ODF2: variants seen among roughly 807,000 people sequenced by gnomAD.
The protein encoded by ODF2 is outer dense fiber of sperm tails 2, also known as outer dense fiber protein 2.
ODF2 carries 47 observed loss-of-function variants against 110.2 expected under a neutral mutation model. The ratio of observed to expected loss-of-function variants is 0.43; its 90% CI spans 0.34 to 0.54. The LOEUF is 0.54. Ranked by LOEUF, ODF2 falls within the 20% of genes least tolerant of loss-of-function variation. The probability of loss-of-function intolerance (pLI) is 0.03; values close to 1 mark genes in which losing one functional copy is unlikely to be tolerated. For synonymous variants in ODF2, 352 were observed against 397.7 expected, an observed-to-expected ratio of 0.89 and a Z score of 1.37; for missense variants, 812 against 1,054.5, an observed-to-expected ratio of 0.77 and a Z score of 3.19.
intron 2 of ODF2, 141 bp from the exon 2 acceptor site, chr9:128,459,426 A>G: frequency 1.5e-6 from 1 of 650,156 alleles, no homozygotes; most frequent in Non-Finnish European, 2.8e-6. Flanking sequence ...TGCTCATCTC[A>G]GGGGAGTCAA....
At chr9:128,457,006 G>A (rs1324099628) in intron 1 of ODF2, 4 of 1,253,326 alleles carry the variant, frequency 3.2e-6, no homozygotes, top group Non-Finnish European at 4.1e-6. Flanking sequence ...CCCACTTGGG[G>A]CCGAGCGGTT....
chr9:128,476,825 G>A (rs1841375832), intron 8 of ODF2, among the ~76,000 whole-genome samples: 2 of 151,448 alleles, frequency 1.3e-5, no homozygotes, highest in South Asian at 4.2e-4. Flanking sequence ...TTTTAGTAGA[G>A]ATGAGGTTTC....
At chr9:128,457,350 C>T in exon 2 of ODF2, 5 of 1,612,124 alleles carry the variant, frequency 3.1e-6, no homozygotes, top group South Asian at 1.1e-5. Context: ...CTCTGGGTCC[C>T]CCTGAGCAGA....
chr9:128,487,996 G>T (rs750510737), exon 14 of ODF2: 20 of 1,613,928 alleles, frequency 1.2e-5, no homozygotes, highest in East Asian at 2.2e-5. Flanking sequence ...TGAGTATTCC[G>T]CATTCAAGCT....
intron 18 of ODF2, 161 bp downstream of exon 18, chr9:128,496,302 G>A (rs772777982): frequency 4.6e-5 from 68 of 1,493,370 alleles, no homozygotes; most frequent in Non-Finnish European, 3.9e-5. Context: ...TCAGTGGTAA[G>A]CATTGTGGGA....
rs1198255178 is a variant in ODF2, at chr9:128,487,800, AC to A, written c.1401-89del. On this transcript the variant is annotated intron_variant, in intron 13 of 20. Coordinates refer to ENST00000604420, the Ensembl canonical transcript of ODF2. ...AGACTCCGTCTAAAAAAACAAACAA[AC>A]AAAACACACACACACACACACACAC... The A allele has an allele frequency of 2.9e-3, 3,456 of 1,210,066 alleles. 58 individuals are homozygous for A. The East Asian group carries it at 0.043, about 15-fold the overall frequency. 75.0% of individuals were successfully genotyped at this position (1,210,066 alleles called of 1,614,324 possible). A position where few individuals can be genotyped will look rare whatever the true frequency, so the allele number is the denominator to read the frequency against.
intron 4 of ODF2, 56 bp from the exon 5 acceptor site, chr9:128,469,127 C>A: frequency 6.4e-7 from 1 of 1,556,350 alleles, no homozygotes; most frequent in East Asian, 2.3e-5. Flanking sequence ...AGTGGTGGAA[C>A]TCGTGGTCAA....
chr9:128,462,390 C>G (rs1836713378), intron 4 of ODF2, among the ~76,000 whole-genome samples: 1 of 152,130 alleles, frequency 6.6e-6, no homozygotes, highest in Non-Finnish European at 1.5e-5. Context: ...CTCAGGTGAT[C>G]AGCCCACCTC....
At chr9:128,497,446 A>AAAATAT (rs1554857542) in intron 18 of ODF2, 24 of 42,586 alleles carry the variant, frequency 5.6e-4, no homozygotes, top group Non-Finnish European at 6.8e-4. Context: ...AAAAAAAAAA[A>AAAATAT]ATATATATAT....
At chr9:128,496,714 T>TTATC (rs56716979) in intron 18 of ODF2, among the ~76,000 whole-genome samples, 13,175 of 149,418 alleles carry the variant, frequency 0.088, 1,064 homozygotes, top group East Asian at 0.31. Flanking sequence ...AAGGTAGAGT[T>TTATC]TATCTATCTA....
exon 12 of ODF2, chr9:128,484,809 G>T: frequency 6.2e-7 from 1 of 1,613,796 alleles, no homozygotes; most frequent in Non-Finnish European, 8.5e-7. Context: ...CTTGAAGAAG[G>T]CCATCCGAGC....
chr9:128,455,902 G>C (rs534714018), upstream of ODF2: 2 of 1,318,800 alleles, frequency 1.5e-6, no homozygotes, highest in Non-Finnish European at 2.0e-6. Flanking sequence ...ACAGGGCCGA[G>C]CGGGAAAGGC....
chr9:128,496,815 C>T (rs1244714765), intron 18 of ODF2, among the ~76,000 whole-genome samples: 1 of 152,184 alleles, frequency 6.6e-6, no homozygotes, highest in Non-Finnish European at 1.5e-5. Context: ...GCAACCTCGA[C>T]CTCCTGGGCT....
intron 2 of ODF2, among the ~76,000 whole-genome samples, chr9:128,458,461 CAAAAA>C (rs55782363): frequency 1.4e-5 from 1 of 72,878 alleles, no homozygotes. Flanking sequence ...GACTCTATCT[CAAAAA>C]AAAAAAAAAA....
At chr9:128,456,068 T>C (rs1834689219), upstream of ODF2, 1 of 1,516,910 alleles carries the variant, frequency 6.6e-7, no homozygotes, top group Non-Finnish European at 8.9e-7. Context: ...CCCAAGCGGC[T>C]CCCGGGGGGG....
chr9:128,477,976 C>T (rs1469152325), intron 8 of ODF2, among the ~76,000 whole-genome samples: 4 of 151,964 alleles, frequency 2.6e-5, no homozygotes, highest in African/African-American at 9.7e-5. Context: ...AACCTTGTCT[C>T]CCTCCCCTCA....
intron 8 of ODF2, among the ~76,000 whole-genome samples, chr9:128,477,234 A>G (rs1233270827): frequency 6.8e-6 from 1 of 147,958 alleles, no homozygotes; most frequent in Non-Finnish European, 1.5e-5. Context: ...CTCTGTCTCA[A>G]AAAAAAAAAA....
intron 8 of ODF2, 90 bp downstream of exon 8, chr9:128,473,831 G>C (rs1262470376): frequency 7.8e-7 from 1 of 1,283,816 alleles, no homozygotes; most frequent in Non-Finnish European, 1.1e-6. Context: ...AAATAAGATT[G>C]GTGCCCGACC....
chr9:128,479,556 G>T (rs977483899), intron 8 of ODF2, among the ~76,000 whole-genome samples: 2 of 152,174 alleles, frequency 1.3e-5, no homozygotes, highest in Non-Finnish European at 2.9e-5. Context: ...CAGTGAATTG[G>T]TGCAGGCATT....
Sources: gnomAD v4.1 joint callset for allele counts (sites outside exome capture counted in the v4.1 genomes callset) on GRCh38, gnomAD v4.1.1 for gene constraint, MANE v1.5 for transcripts, NCBI Gene and HGNC (gene_info 2026-07-23, HGNC 2026-07-21) for gene names.